The following CNTNAP2 variants were observed in gnomAD, a reference collection of about 807,000 sequenced individuals.
The protein encoded by CNTNAP2 is contactin-associated protein-like 2.
Under a neutral mutation model 155.2 loss-of-function variants are expected in CNTNAP2, and 98 were observed. The observed-to-expected ratio is 0.63, with a 90% CI of 0.54 to 0.75. The LOEUF (loss-of-function observed/expected upper bound fraction) is 0.75, where lower values mean the gene tolerates loss of function less well. CNTNAP2 is among the 30% of genes least tolerant of loss of function. The pLI is 0.00. For missense variants in CNTNAP2, 1,727 were observed against 1,688.1 expected (o/e 1.02, Z -0.40); for synonymous variants, 651 against 631.2 (o/e 1.03, Z -0.47).
chr7:148,173,951 C>T (rs1010747804), intron 18 of CNTNAP2, among the ~76,000 whole-genome samples: 4 of 152,154 alleles, frequency 2.6e-5, no homozygotes, highest in Non-Finnish European at 5.9e-5. Flanking sequence ...CAGTAGCTCA[C>T]GCAAAACCTC....
intron 3 of CNTNAP2, among the ~76,000 whole-genome samples, chr7:146,930,015 G>C (rs1371716760): frequency 2.6e-5 from 4 of 152,182 alleles, no homozygotes; most frequent in African/African-American, 9.7e-5. Context: ...AAAACACTCT[G>C]CAGGATATTA....
intron 3 of CNTNAP2, among the ~76,000 whole-genome samples, chr7:146,899,577 T>C (rs1358977840): frequency 6.6e-6 from 1 of 152,188 alleles, no homozygotes; most frequent in Non-Finnish European, 1.5e-5. Flanking sequence ...CAACTTGTAA[T>C]AAAACAGGTT....
At chr7:146,132,136 G>A (rs538940011) in intron 1 of CNTNAP2, among the ~76,000 whole-genome samples, 2 of 152,128 alleles carry the variant, frequency 1.3e-5, no homozygotes, top group Non-Finnish European at 2.9e-5. Flanking sequence ...ATCTCAGATT[G>A]TATCTGAGAT....
At chr7:147,468,817 T>G (rs1798162907) in intron 10 of CNTNAP2, among the ~76,000 whole-genome samples, 1 of 122,972 alleles carries the variant, frequency 8.1e-6, no homozygotes, top group Non-Finnish European at 1.6e-5. Flanking sequence ...CCTTATTATT[T>G]TCTTTTTTCT....
chr7:148,319,019 C>T (rs1196473776), intron 21 of CNTNAP2, among the ~76,000 whole-genome samples: 1 of 152,206 alleles, frequency 6.6e-6, no homozygotes, highest in Non-Finnish European at 1.5e-5. Context: ...CCCCATGAAG[C>T]ACTGCTTTTG....
At chr7:147,310,815 A>C (rs1485907444) in intron 9 of CNTNAP2, among the ~76,000 whole-genome samples, 1 of 152,238 alleles carries the variant, frequency 6.6e-6, no homozygotes, top group Non-Finnish European at 1.5e-5. Flanking sequence ...GGACCACTGC[A>C]ATATAATTTT....
At chr7:147,520,035 G>A (rs1239381571) in intron 11 of CNTNAP2, among the ~76,000 whole-genome samples, 3 of 152,140 alleles carry the variant, frequency 2.0e-5, no homozygotes, top group African/African-American at 7.2e-5. Context: ...CTTTCAAGGA[G>A]TCATTGAAAG....
At chr7:147,026,104 C>G (rs1442484235) in intron 3 of CNTNAP2, among the ~76,000 whole-genome samples, 1 of 152,130 alleles carries the variant, frequency 6.6e-6, no homozygotes, top group African/African-American at 2.4e-5. Flanking sequence ...AAGTGATCCA[C>G]CTGCCTCAGC....
At chr7:146,138,423 A>G (rs748840102) in intron 1 of CNTNAP2, among the ~76,000 whole-genome samples, 1 of 152,116 alleles carries the variant, frequency 6.6e-6, no homozygotes, top group Admixed American at 6.6e-5. Flanking sequence ...ATATGTTACT[A>G]TGTAGATTTC....
intron 1 of CNTNAP2, among the ~76,000 whole-genome samples, chr7:146,278,516 G>GA (rs965969609): frequency 3.3e-5 from 5 of 152,148 alleles, no homozygotes; most frequent in Non-Finnish European, 5.9e-5. Context: ...CTAAAAAAAT[G>GA]AAAAAAGTGT....
At chr7:147,881,987 A>G (rs1799530602) in intron 13 of CNTNAP2, among the ~76,000 whole-genome samples, 1 of 152,140 alleles carries the variant, frequency 6.6e-6, no homozygotes, top group Admixed American at 6.5e-5. Flanking sequence ...CATCCCTACC[A>G]AGAAAAGAAA....
At chr7:146,858,787 AT>A (rs1225807245) in intron 3 of CNTNAP2, among the ~76,000 whole-genome samples, 1 of 152,150 alleles carries the variant, frequency 6.6e-6, no homozygotes, top group Admixed American at 6.5e-5. Context: ...ATCACATTTC[AT>A]TTTTTTGCAT....
intron 3 of CNTNAP2, among the ~76,000 whole-genome samples, chr7:146,873,785 T>C (rs1795365431): frequency 6.6e-6 from 1 of 152,192 alleles, no homozygotes; most frequent in Non-Finnish European, 1.5e-5. Flanking sequence ...AAGTGTTTAC[T>C]ACATTCAGAG....
chr7:147,262,083 A>T (rs1414447008), intron 8 of CNTNAP2, among the ~76,000 whole-genome samples: 1 of 152,204 alleles, frequency 6.6e-6, no homozygotes. Context: ...ATGGATGATA[A>T]TCTTTTGTTA....
chr7:147,331,233 A>G (rs929558233), intron 9 of CNTNAP2, among the ~76,000 whole-genome samples: 1 of 152,128 alleles, frequency 6.6e-6, no homozygotes, highest in Non-Finnish European at 1.5e-5. Context: ...GGTAAAAGCT[A>G]AAGAGAAGGG....
At chr7:146,696,629 A>G (rs1195850312) in intron 1 of CNTNAP2, among the ~76,000 whole-genome samples, 1 of 152,018 alleles carries the variant, frequency 6.6e-6, no homozygotes, top group African/African-American at 2.4e-5. Flanking sequence ...TTTATTTTAG[A>G]TCTTTCTTTT....
chr7:146,799,240 C>A (rs1158072183), intron 2 of CNTNAP2, among the ~76,000 whole-genome samples: 1 of 151,920 alleles, frequency 6.6e-6, no homozygotes, highest in Non-Finnish European at 1.5e-5. Flanking sequence ...GGGGACCTTC[C>A]CTTGACTAAA....
At chr7:147,535,942 C>A (rs1038021721) in intron 11 of CNTNAP2, among the ~76,000 whole-genome samples, 6 of 152,180 alleles carry the variant, frequency 3.9e-5, no homozygotes, top group African/African-American at 7.2e-5. Flanking sequence ...AAGAGGCAGT[C>A]CTGGTATCCT....
chr7:147,990,958 G>T (rs1801701603), intron 15 of CNTNAP2, among the ~76,000 whole-genome samples: 1 of 152,126 alleles, frequency 6.6e-6, no homozygotes, highest in East Asian at 1.9e-4. Flanking sequence ...TCTATCAGGT[G>T]GCTGGTCTTC....
Sources: gnomAD v4.1 joint callset for allele counts (sites outside exome capture counted in the v4.1 genomes callset) on GRCh38, gnomAD v4.1.1 for gene constraint, MANE v1.5 for transcripts, NCBI Gene and HGNC (gene_info 2026-07-23, HGNC 2026-07-21) for gene names.